Variants in HECW2 observed in about 807,000 individuals in gnomAD.
HECW2 encodes E3 ubiquitin-protein ligase HECW2.
Under a neutral mutation model 175.2 loss-of-function variants are expected in HECW2, and 61 were observed. The ratio of observed to expected loss-of-function variants is 0.35; its 90% CI spans 0.28 to 0.43. The LOEUF is 0.43. Ranked by LOEUF, HECW2 falls within the 20% of genes least tolerant of loss-of-function variation. The pLI, the probability that HECW2 is intolerant of heterozygous loss-of-function variation, is 1.00. For missense variants in HECW2, 1,524 were observed against 2,000.5 expected (o/e 0.76, Z 4.54); for synonymous variants, 671 against 731.0 (o/e 0.92, Z 1.32).
At position 196,322,281 on chromosome 2, in the gene HECW2, G is replaced by A. The variant is rs570130717; in HGVS notation, c.884+197C>T. Among the ~76,000 whole-genome samples the A allele has an allele frequency of 7.2e-5, 11 of 152,060 alleles. 1 individual carries two copies. In the South Asian group the frequency reaches 1.7e-3, roughly 23 times the overall value. ...GGTACATCTTGGAAAAGATAAAGACGCAAAAAACATATATAATTAAAATAA... is the reference window on the plus strand; with the variant it reads ...GGTACATCTTGGAAAAGATAAAGACACAAAAAACATATATAATTAAAATAA... On this transcript the variant is annotated intron_variant, in intron 7 of 28. Transcript: ENST00000644978.
At chr2:196,461,633 G>A (rs57177158) in intron 1 of HECW2, among the ~76,000 whole-genome samples, 1,600 of 152,236 alleles carry the variant, frequency 0.011, 32 homozygotes, top group African/African-American at 0.036. Context: ...TATGGCGGGG[G>A]AGGCCTCAGG....
chr2:196,273,049 A>ATTTTTTTTTT (rs778348590), intron 16 of HECW2, among the ~76,000 whole-genome samples: 28 of 113,112 alleles, frequency 2.5e-4, no homozygotes, highest in African/African-American at 7.3e-4. Flanking sequence ...AGCTGGTCTA[A>ATTTTTTTTTT]TTTTTTTTTT....
intron 20 of HECW2, among the ~76,000 whole-genome samples, chr2:196,240,839 G>GAA (rs3841588): frequency 2.6e-5 from 4 of 151,460 alleles, no homozygotes; most frequent in South Asian, 2.1e-4. Flanking sequence ...GTTTATCCCA[G>GAA]AAAAAAAATG....
At chr2:196,446,570 T>C (rs1400956750) in intron 1 of HECW2, among the ~76,000 whole-genome samples, 2 of 152,232 alleles carry the variant, frequency 1.3e-5, no homozygotes, top group African/African-American at 4.8e-5. Flanking sequence ...TCAATTATTG[T>C]TTTTAATTTT....
chr2:196,247,475 G>A (rs990379063), intron 19 of HECW2, among the ~76,000 whole-genome samples: 1 of 152,104 alleles, frequency 6.6e-6, no homozygotes, highest in African/African-American at 2.4e-5. Context: ...GAATTTTATG[G>A]TCTTTACAGT....
At chr2:196,364,143 A>G (rs148146391) in intron 2 of HECW2, among the ~76,000 whole-genome samples, 3 of 152,206 alleles carry the variant, frequency 2.0e-5, no homozygotes, top group Non-Finnish European at 4.4e-5. Context: ...TCCTCCAAGC[A>G]ATGATTCTTT....
At chr2:196,561,711 G>C (rs996426745) in intron 1 of HECW2, among the ~76,000 whole-genome samples, 2 of 152,158 alleles carry the variant, frequency 1.3e-5, no homozygotes, top group Non-Finnish European at 2.9e-5. Flanking sequence ...TCAGGGGCTG[G>C]TTCCCCTAAT....
chr2:196,570,622 A>G (rs1439906542), intron 1 of HECW2, among the ~76,000 whole-genome samples: 2 of 152,220 alleles, frequency 1.3e-5, no homozygotes, highest in East Asian at 3.8e-4. Flanking sequence ...TGATGGGTGC[A>G]GCAAACCAAC....
chr2:196,412,357 C>T (rs1030659296), intron 2 of HECW2, among the ~76,000 whole-genome samples: 4 of 152,166 alleles, frequency 2.6e-5, no homozygotes, highest in African/African-American at 7.2e-5. Flanking sequence ...TTAAGGCCCA[C>T]CCTAATGACA....
intron 2 of HECW2, among the ~76,000 whole-genome samples, chr2:196,408,848 A>C (rs922514479): frequency 6.6e-6 from 1 of 152,208 alleles, no homozygotes; most frequent in South Asian, 2.1e-4. Flanking sequence ...TCAATGAAAC[A>C]AGTCCTTCTC....
chr2:196,263,468 T>A (rs915822744), intron 17 of HECW2: 1 of 152,258 alleles, frequency 6.6e-6, no homozygotes, highest in African/African-American at 2.4e-5. Context: ...ACTCTGCACA[T>A]CCTGGTTCCT....
At chr2:196,508,984 C>T (rs1159449569) in intron 1 of HECW2, among the ~76,000 whole-genome samples, 2 of 152,170 alleles carry the variant, frequency 1.3e-5, no homozygotes, top group Non-Finnish European at 2.9e-5. Context: ...AGGAGAATGG[C>T]ATGAACCAGG....
At chr2:196,528,805 A>G (rs2125448556) in intron 1 of HECW2, among the ~76,000 whole-genome samples, 1 of 152,298 alleles carries the variant, frequency 6.6e-6, no homozygotes, top group Admixed American at 6.5e-5. Flanking sequence ...AGAACTCCAA[A>G]TTTACTGTTT....
At chr2:196,278,245 C>T (rs1476807592) in intron 15 of HECW2, among the ~76,000 whole-genome samples, 1 of 144,670 alleles carries the variant, frequency 6.9e-6, no homozygotes, top group Admixed American at 7.0e-5. Flanking sequence ...CTGTCTCGAA[C>T]ATTTTAGTAC....
chr2:196,391,299 G>T (rs1694502551), intron 2 of HECW2, among the ~76,000 whole-genome samples: 1 of 152,074 alleles, frequency 6.6e-6, no homozygotes, highest in South Asian at 2.1e-4. Context: ...ACTGTTACTG[G>T]CTGTGTTGTA....
chr2:196,457,976 ATAC>A (rs1696580723), intron 1 of HECW2, among the ~76,000 whole-genome samples: 1 of 152,012 alleles, frequency 6.6e-6, no homozygotes, highest in South Asian at 2.1e-4. Flanking sequence ...ATACTCTACA[ATAC>A]TGGGAACTGG....
intron 1 of HECW2, chr2:196,586,591 T>C (rs1690984971): frequency 6.6e-6 from 1 of 152,172 alleles, no homozygotes; most frequent in Non-Finnish European, 1.5e-5. Flanking sequence ...GTATTACGTC[T>C]TCTCCATGAA....
intron 1 of HECW2, among the ~76,000 whole-genome samples, chr2:196,448,438 C>A (rs182923941): frequency 1.9e-4 from 29 of 152,306 alleles, no homozygotes; most frequent in Admixed American, 1.4e-3. Flanking sequence ...ATATGCTACG[C>A]CTCCTGTGGC....
At chr2:196,447,452 C>A (rs1696220038) in intron 1 of HECW2, among the ~76,000 whole-genome samples, 1 of 152,032 alleles carries the variant, frequency 6.6e-6, no homozygotes, top group Admixed American at 6.6e-5. Context: ...AAACTGATGG[C>A]AAAGAGAAAT....
Sources: gnomAD v4.1 joint callset for allele counts (sites outside exome capture counted in the v4.1 genomes callset) on GRCh38, gnomAD v4.1.1 for gene constraint, MANE v1.5 for transcripts, NCBI Gene and HGNC (gene_info 2026-07-23, HGNC 2026-07-21) for gene names.